The following SPIN1 variants were observed in gnomAD, a reference collection of about 807,000 sequenced individuals.
The protein encoded by SPIN1 is spindlin-1.
Under a neutral mutation model 26.0 loss-of-function variants are expected in SPIN1, and 3 were observed. The observed-to-expected ratio is 0.12, with a 90% CI of 0.05 to 0.30. The LOEUF is 0.30. Among genes scored for constraint, SPIN1 ranks in the 10% least tolerant of loss-of-function variants. The pLI is 1.00. For synonymous variants in SPIN1, 101 were observed against 116.5 expected (o/e 0.87, Z 0.86); for missense variants, 126 against 333.4 (o/e 0.38, Z 4.84).
chr9:88,450,579 A>G (rs1411752213), intron 3 of SPIN1, among the ~76,000 whole-genome samples: 1 of 152,214 alleles, frequency 6.6e-6, no homozygotes, highest in East Asian at 1.9e-4. Context: ...CCTAAAGCAT[A>G]AGAAACGAAA....
intron 1 of SPIN1, among the ~76,000 whole-genome samples, chr9:88,395,143 G>T (rs549275869): frequency 6.6e-6 from 1 of 152,074 alleles, no homozygotes; most frequent in South Asian, 2.1e-4. Flanking sequence ...GAACATTTAT[G>T]TGAACATTTA....
intron 3 of SPIN1, among the ~76,000 whole-genome samples, chr9:88,460,458 A>C (rs1828557549): frequency 6.6e-6 from 1 of 152,154 alleles, no homozygotes; most frequent in Non-Finnish European, 1.5e-5. Flanking sequence ...TTCTCCAGGG[A>C]AATAGAATCG....
chr9:88,435,834 A>G (rs1328014492), intron 2 of SPIN1, among the ~76,000 whole-genome samples: 1 of 152,122 alleles, frequency 6.6e-6, no homozygotes, highest in African/African-American at 2.4e-5. Context: ...ATATCACATA[A>G]GTCTTGCTTT....
At chr9:88,434,466 A>G (rs1827958608) in intron 2 of SPIN1, among the ~76,000 whole-genome samples, 1 of 151,940 alleles carries the variant, frequency 6.6e-6, no homozygotes. Context: ...TAGATATAAT[A>G]AAGCTATATA....
At chr9:88,423,694 G>A (rs527767778) in intron 1 of SPIN1, among the ~76,000 whole-genome samples, 13 of 151,374 alleles carry the variant, frequency 8.6e-5, no homozygotes, top group Non-Finnish European at 1.8e-4. Flanking sequence ...GGGATTACAG[G>A]TGTGAACCAC....
chr9:88,422,182 T>C (rs1827682775), intron 1 of SPIN1, among the ~76,000 whole-genome samples: 1 of 152,232 alleles, frequency 6.6e-6, no homozygotes, highest in African/African-American at 2.4e-5. Flanking sequence ...TTAGCAACTA[T>C]TGATGGGTCT....
intron 1 of SPIN1, among the ~76,000 whole-genome samples, chr9:88,391,041 G>A (rs1336186313): frequency 6.6e-6 from 1 of 152,074 alleles, no homozygotes; most frequent in Non-Finnish European, 1.5e-5. Flanking sequence ...TGCCCCACAA[G>A]TTGCTTTACT....
intron 1 of SPIN1, among the ~76,000 whole-genome samples, chr9:88,412,546 A>G (rs986087797): frequency 2.6e-5 from 4 of 152,162 alleles, no homozygotes; most frequent in Admixed American, 6.6e-5. Context: ...TGCCAGTTTT[A>G]TGAAACCTAT....
At chr9:88,429,508 A>G (rs1587792779) in intron 2 of SPIN1, among the ~76,000 whole-genome samples, 1 of 152,190 alleles carries the variant, frequency 6.6e-6, no homozygotes, top group Non-Finnish European at 1.5e-5. Context: ...TGAAACACTT[A>G]ACTTTTACCA....
At chr9:88,471,628 C>T (rs953941561) in intron 5 of SPIN1, among the ~76,000 whole-genome samples, 1 of 117,504 alleles carries the variant, frequency 8.5e-6, no homozygotes, top group Non-Finnish European at 1.6e-5. Context: ...GCACTCCAGC[C>T]TGGGCAACAG....
At chr9:88,412,948 C>T (rs1207584301) in intron 1 of SPIN1, among the ~76,000 whole-genome samples, 4 of 151,518 alleles carry the variant, frequency 2.6e-5, no homozygotes, top group Non-Finnish European at 5.9e-5. Context: ...TCCCAAAGTG[C>T]TGGGATTACA....
chr9:88,394,203 G>A (rs1338545515), intron 1 of SPIN1, among the ~76,000 whole-genome samples: 6 of 152,136 alleles, frequency 3.9e-5, no homozygotes, highest in African/African-American at 7.2e-5. Flanking sequence ...TTCACAACTT[G>A]GACATGTTGA....
At chr9:88,422,538 C>T (rs868536775) in intron 1 of SPIN1, among the ~76,000 whole-genome samples, 1 of 152,188 alleles carries the variant, frequency 6.6e-6, no homozygotes, top group African/African-American at 2.4e-5. Context: ...TTAGTTAGCA[C>T]TCATTAGTGT....
intron 1 of SPIN1, among the ~76,000 whole-genome samples, chr9:88,410,162 AGTGTGTGTGTGT>A (rs138037814): frequency 1.5e-5 from 2 of 132,998 alleles, no homozygotes; most frequent in Non-Finnish European, 3.2e-5. Context: ...GCATATATTT[AGTGTGTGTGTGT>A]GTGTGTGTGT....
chr9:88,475,970 A>G lies in SPIN1; in HGVS notation c.*693A>G, dbSNP rs556027372. On this transcript the variant is annotated 3_prime_UTR_variant, in exon 6 of 6. Transcript: ENST00000375859. ...CTTTTCAATCTGGAGCCCTTAAACCATAAGTCCAAATATGAATTATTTGTG... is the reference window on the plus strand; with the variant it reads ...CTTTTCAATCTGGAGCCCTTAAACCGTAAGTCCAAATATGAATTATTTGTG... 2.0e-5 allele frequency: 3 copies of G among 152,198 alleles called. No homozygotes were observed. Among genetic ancestry groups the G allele is most frequent in the Non-Finnish European group, 4.4e-5 (3 of 68,044 alleles). 9.4% of individuals were successfully genotyped at this position (152,198 alleles called of 1,614,324 possible). A position where few individuals can be genotyped will look rare whatever the true frequency, so the allele number is the denominator to read the frequency against.
At chr9:88,438,160 A>G (rs1167376870) in intron 2 of SPIN1, among the ~76,000 whole-genome samples, 1 of 152,194 alleles carries the variant, frequency 6.6e-6, no homozygotes, top group Non-Finnish European at 1.5e-5. Context: ...CAAAAAAAAA[A>G]AAAAGATTTT....
At chr9:88,462,956 C>T (rs1828599574) in intron 4 of SPIN1, among the ~76,000 whole-genome samples, 1 of 152,054 alleles carries the variant, frequency 6.6e-6, no homozygotes, top group Non-Finnish European at 1.5e-5. Flanking sequence ...TGTGTATTTT[C>T]CCCCCAAGAA....
intron 5 of SPIN1, among the ~76,000 whole-genome samples, chr9:88,472,146 A>G (rs1183233399): frequency 6.6e-6 from 1 of 152,102 alleles, no homozygotes; most frequent in Non-Finnish European, 1.5e-5. Context: ...GGTCCCTTGC[A>G]ATTTCATATA....
In SPIN1 at chr9:88,475,045, CTCTTT is replaced by C. The variant is rs1319739080; in HGVS notation, c.590-31_590-27del. On this transcript the variant is annotated intron_variant, in intron 5 of 5. Transcript: ENST00000375859. ...ATTGACTTAGAAATTTTCTCTCTCT[CTCTTT>C]TTTTTTTTTTTTTTTTTTTTAATAT... 4.3e-5 allele frequency: 54 copies of C among 1,262,032 alleles called. No individual in the cohort carries two copies. The African/African-American group carries it at 7.3e-4, about 17-fold the overall frequency. 78.2% of individuals were successfully genotyped at this position (1,262,032 alleles called of 1,614,324 possible). A position where few individuals can be genotyped will look rare whatever the true frequency, so the allele number is the denominator to read the frequency against.
Sources: gnomAD v4.1 joint callset for allele counts (sites outside exome capture counted in the v4.1 genomes callset) on GRCh38, gnomAD v4.1.1 for gene constraint, MANE v1.5 for transcripts, NCBI Gene and HGNC (gene_info 2026-07-23, HGNC 2026-07-21) for gene names.